Variants in MAMLD1 observed in about 807,000 individuals in gnomAD.
The protein encoded by MAMLD1 is mastermind like domain containing 1, also known as mastermind-like domain-containing protein 1.
MAMLD1 carries 14 observed loss-of-function variants against 45.0 expected under a neutral mutation model. The observed-to-expected ratio is 0.31, with a 90% CI of 0.21 to 0.49. MAMLD1 has a LOEUF of 0.49. Ranked by LOEUF, MAMLD1 falls within the 20% of genes least tolerant of loss-of-function variation. The pLI is 0.99. For missense variants in MAMLD1, 543 were observed against 603.6 expected, an observed-to-expected ratio of 0.90 and a Z score of 1.05; for synonymous variants, 254 against 247.8, an observed-to-expected ratio of 1.02 and a Z score of -0.24.
chrX:150,413,396 A>G (rs2034169798), intron 1 of MAMLD1, among the ~76,000 whole-genome samples: 1 of 111,718 alleles, frequency 9.0e-6, no homozygotes, highest in Non-Finnish European at 1.9e-5. Context: ...GACATTGATG[A>G]GTTTGCTACG....
intron 1 of MAMLD1, among the ~76,000 whole-genome samples, chrX:150,377,782 A>T (rs924695303): frequency 6.6e-5 from 7 of 106,043 alleles, no homozygotes; most frequent in African/African-American, 2.4e-4. Context: ...CCAAATGTTA[A>T]CATTTTACCA....
chrX:150,459,539 G>A (rs781901257), intron 2 of MAMLD1, among the ~76,000 whole-genome samples: 42 of 109,023 alleles, frequency 3.9e-4, no homozygotes, highest in Middle Eastern at 4.7e-3. Flanking sequence ...TCACTCCCTG[G>A]TTCCACCACT....
chrX:150,391,608 T>C (rs1353388670), intron 1 of MAMLD1, among the ~76,000 whole-genome samples: 1 of 111,745 alleles, frequency 8.9e-6, no homozygotes, highest in Non-Finnish European at 1.9e-5. Flanking sequence ...ATTAATTTGT[T>C]TGAAGTGTAT....
chrX:150,504,781 T>C (rs188094296), intron 6 of MAMLD1: 1 of 752,942 alleles, frequency 1.3e-6, no homozygotes, highest in African/African-American at 2.3e-5. Flanking sequence ...CAGAGCAGAT[T>C]TGTGGCCCCA....
intron 3 of MAMLD1, among the ~76,000 whole-genome samples, chrX:150,464,368 A>C (rs987869458): frequency 8.0e-5 from 9 of 112,113 alleles, no homozygotes; most frequent in African/African-American, 1.6e-4. Context: ...AATCAGCATT[A>C]GCATTCAGGG....
At position 150,473,723 on chromosome X, in the gene MAMLD1, T is replaced by A. The variant is rs1557406697; in HGVS notation, c.1961T>A (p.Val654Glu). The change falls in exon 5 of 8, where the codon GTG becomes GAG. Residue 654 changes from valine to glutamate, a missense_variant. Transcript: ENST00000370401. ...GCATGGACTTCTGCAGCTAGCTCGG[T>A]GAAGCCCCAGCATCAACACGGGAAC... ...LFAWTSAASS[V>E]KPQHQHGNSF... is the part of the protein sequence containing the mutation. 1.7e-6 allele frequency: 2 copies of A among 1,208,523 alleles called. No individual in the cohort carries two copies. The highest frequency in any genetic ancestry group is 4.3e-5 in the Admixed American group (2 of 46,062).
intron 5 of MAMLD1, among the ~76,000 whole-genome samples, chrX:150,498,731 G>A (rs1004488116): frequency 3.6e-5 from 4 of 112,174 alleles, no homozygotes; most frequent in African/African-American, 6.5e-5. Context: ...TCTGTTGGAT[G>A]GTGATGCTTA....
intron 1 of MAMLD1, among the ~76,000 whole-genome samples, chrX:150,387,361 C>T (rs782032440): frequency 8.9e-6 from 1 of 111,953 alleles, no homozygotes; most frequent in Non-Finnish European, 1.9e-5. Context: ...CCAGTTTTTA[C>T]GTAGTAATAA....
chrX:150,377,307 CAA>C (rs1557401481), intron 1 of MAMLD1, among the ~76,000 whole-genome samples: 5 of 113,379 alleles, frequency 4.4e-5, no homozygotes, highest in Non-Finnish European at 9.4e-5. Context: ...CCCACTGTTA[CAA>C]AGAGGAGGCT....
Position 150,470,118 on chromosome X carries a change from A to C in MAMLD1, c.545A>C (p.Glu182Ala). The change falls in exon 4 of 8, where the codon GAG becomes GCG. Residue 182 changes from glutamate (E) to alanine (A), a missense_variant. Glu to Ala is a moderately radical substitution (Grantham distance 107). Coordinates refer to ENST00000370401, the MANE Select transcript of MAMLD1 (RefSeq NM_005491.5). ...CAGGAGCTTCAAGAGCTGCTAGAGG[A>C]GCTCACCAAAATTCAAGACCCTTCT... The part of the protein sequence containing the change: ...VDQELQELLE[E>A]LTKIQDPSPN... 8.3e-7 allele frequency: 1 copy of C among 1,211,534 alleles called. No homozygotes were observed.
chrX:150,509,607 T>C, intron 6 of MAMLD1: 1 of 243,932 alleles, frequency 4.1e-6, no homozygotes, highest in South Asian at 5.8e-5. Flanking sequence ...TAATGCAGCC[T>C]AATGTTACAT....
chrX:150,492,509 TC>T (rs1183565804), intron 5 of MAMLD1, among the ~76,000 whole-genome samples: 1 of 112,446 alleles, frequency 8.9e-6, no homozygotes, highest in Non-Finnish European at 1.9e-5. Context: ...TCTTCTCTCT[TC>T]AGGTCTTTCA....
chrX:150,441,827 A>T (rs915955974), intron 1 of MAMLD1, among the ~76,000 whole-genome samples: 1 of 111,472 alleles, frequency 9.0e-6, no homozygotes, highest in Non-Finnish European at 1.9e-5. Context: ...GCTCTTATAC[A>T]TCTTGCTGAT....
At chrX:150,501,314 G>A (rs1466374494) in intron 5 of MAMLD1, among the ~76,000 whole-genome samples, 1 of 112,456 alleles carries the variant, frequency 8.9e-6, no homozygotes, top group Non-Finnish European at 1.9e-5. Context: ...CAAAACTCCA[G>A]TGTGGCTATA....
intron 1 of MAMLD1, among the ~76,000 whole-genome samples, chrX:150,367,514 G>A (rs369509617): frequency 8.9e-6 from 1 of 112,074 alleles, no homozygotes; most frequent in Non-Finnish European, 1.9e-5. Context: ...TCTGAAAATA[G>A]CTGGACTATG....
intron 6 of MAMLD1, among the ~76,000 whole-genome samples, chrX:150,505,635 C>A (rs1474398620): frequency 8.9e-6 from 1 of 111,987 alleles, no homozygotes; most frequent in Non-Finnish European, 1.9e-5. Flanking sequence ...GTGGGTTCCA[C>A]CCCAGATCTC....
At position 150,513,332 on chromosome X, in the gene MAMLD1, G is replaced by A; in HGVS notation, c.*1373G>A. ...CATTTTGTGACTTTGTAAATAAAGC[G>A]ACGGCTTTTGTTTCAGTAGAGTTGT... On this transcript the variant is annotated 3_prime_UTR_variant, in exon 8 of 8. Transcript: ENST00000370401. The A allele has an allele frequency of 5.4e-6, 2 of 369,058 alleles. No homozygotes were observed. The highest frequency in any genetic ancestry group is 5.0e-5 in the Admixed American group (1 of 19,899). The allele number at this position is 369,058 out of a possible 1,213,427, so 30.4% of individuals were successfully genotyped here. A position where few individuals can be genotyped will look rare whatever the true frequency, so the allele number is the denominator to read the frequency against.
At chrX:150,402,660 T>C (rs2033824954) in intron 1 of MAMLD1, among the ~76,000 whole-genome samples, 1 of 111,766 alleles carries the variant, frequency 8.9e-6, no homozygotes, top group Non-Finnish European at 1.9e-5. Context: ...TAGCAAAGAC[T>C]TGGAACCAAC....
rs1174092962 is a variant in MAMLD1, at chrX:150,430,019, C to CTTTTTTTTTTTTTTTTTT, written c.-63-15428_-63-15411dup. ...CCATTTTCTTTTCTTTCTTTCTTTT[C>CTTTTTTTTTTTTTTTTTT]TTTTTTTTTTTTTTTTTTTTTTTTG... On this transcript the variant is annotated intron_variant, in intron 1 of 7. Transcript: ENST00000370401. Among the ~76,000 whole-genome samples the CTTTTTTTTTTTTTTTTTT allele has an allele frequency of 1.6e-4, 8 of 49,229 alleles. 1 individual carries two copies. The highest frequency in any genetic ancestry group is 2.0e-4 in the Non-Finnish European group (6 of 30,038). 42.7% of individuals were successfully genotyped at this position (49,229 alleles called of 115,157 possible). A position where few individuals can be genotyped will look rare whatever the true frequency, so the allele number is the denominator to read the frequency against.
Sources: gnomAD v4.1 joint callset for allele counts (sites outside exome capture counted in the v4.1 genomes callset) on GRCh38, gnomAD v4.1.1 for gene constraint, MANE v1.5 for transcripts, NCBI Gene and HGNC (gene_info 2026-07-23, HGNC 2026-07-21) for gene names.